The following FRMD5 variants were observed in gnomAD, a reference collection of about 807,000 sequenced individuals.
FRMD5 encodes the protein FERM domain containing 5, also known as FERM domain-containing protein 5.
In FRMD5, 20 loss-of-function variants were observed where a neutral mutation model predicts 69.0. The observed-to-expected ratio is 0.29, with a 90% CI of 0.20 to 0.42. The LOEUF is 0.42. Ranked by LOEUF, FRMD5 falls within the 10% of genes least tolerant of loss-of-function variation. FRMD5 has a pLI of 1.00. For missense variants in FRMD5, 595 were observed against 708.6 expected, an observed-to-expected ratio of 0.84 and a Z score of 1.82; for synonymous variants, 271 against 260.1, an observed-to-expected ratio of 1.04 and a Z score of -0.40.
intron 1 of FRMD5, among the ~76,000 whole-genome samples, chr15:43,935,979 C>T (rs767321364): frequency 6.6e-6 from 1 of 152,178 alleles, no homozygotes; most frequent in Non-Finnish European, 1.5e-5. Flanking sequence ...TTTAGACATA[C>T]CTGAAAAAGT....
At chr15:44,023,533 T>C (rs1891304215) in intron 1 of FRMD5, among the ~76,000 whole-genome samples, 1 of 152,160 alleles carries the variant, frequency 6.6e-6, no homozygotes, top group Non-Finnish European at 1.5e-5. Flanking sequence ...CAAAACCTTT[T>C]CATTTATTTC....
chr15:43,951,974 T>A (rs1265011501), intron 1 of FRMD5, among the ~76,000 whole-genome samples: 2 of 117,654 alleles, frequency 1.7e-5, no homozygotes, highest in African/African-American at 1.1e-4. Flanking sequence ...TGTGTGTGTG[T>A]GTGTGTTGTG....
intron 1 of FRMD5, among the ~76,000 whole-genome samples, chr15:43,948,791 ACTC>A (rs1397335243): frequency 1.3e-5 from 2 of 151,938 alleles, no homozygotes; most frequent in African/African-American, 4.8e-5. Context: ...TCAGAAGAAA[ACTC>A]CTCATCCATT....
intron 1 of FRMD5, chr15:44,194,211 T>C (rs1036587740): frequency 6.6e-6 from 1 of 152,364 alleles, no homozygotes; most frequent in Non-Finnish European, 1.5e-5. Flanking sequence ...CTGAAAGAAA[T>C]GCTGTTGAGC....
chr15:43,971,628 T>TAA (rs753940718), intron 1 of FRMD5, among the ~76,000 whole-genome samples: 6 of 117,784 alleles, frequency 5.1e-5, no homozygotes, highest in Admixed American at 8.7e-5. Flanking sequence ...AGGTTGCATC[T>TAA]AAAAAAAAAA....
intron 1 of FRMD5, among the ~76,000 whole-genome samples, chr15:44,124,220 T>C: frequency 6.6e-6 from 1 of 151,914 alleles, no homozygotes; most frequent in East Asian, 2.0e-4. Context: ...CCCGAACTCC[T>C]GACCTCAGGT....
chr15:44,087,782 CATCA>C (rs1894265643), intron 1 of FRMD5, among the ~76,000 whole-genome samples: 2 of 136,272 alleles, frequency 1.5e-5, no homozygotes, highest in East Asian at 4.1e-4. Context: ...TCATCATCAT[CATCA>C]TCCCAGGCAT....
chr15:43,934,119 CT>C (rs2089720983), intron 1 of FRMD5, among the ~76,000 whole-genome samples: 4 of 152,296 alleles, frequency 2.6e-5, no homozygotes, highest in African/African-American at 9.6e-5. Flanking sequence ...CCTTTCTCTC[CT>C]TTTCCTGAGA....
At chr15:43,888,555 A>G (rs2088718826) in intron 9 of FRMD5, among the ~76,000 whole-genome samples, 1 of 152,208 alleles carries the variant, frequency 6.6e-6, no homozygotes, top group Non-Finnish European at 1.5e-5. Flanking sequence ...ACGAAAGAAA[A>G]AGAGCCTTCC....
At chr15:44,088,396 G>A (rs1407580470) in intron 1 of FRMD5, among the ~76,000 whole-genome samples, 2 of 152,026 alleles carry the variant, frequency 1.3e-5, no homozygotes, top group African/African-American at 4.8e-5. Flanking sequence ...AATATAAACA[G>A]AATCATAAAT....
At chr15:44,068,283 G>C (rs1055858251) in intron 1 of FRMD5, among the ~76,000 whole-genome samples, 2 of 152,076 alleles carry the variant, frequency 1.3e-5, no homozygotes, top group African/African-American at 4.8e-5. Context: ...ACACAAACTT[G>C]CGCACAAATG....
intron 1 of FRMD5, among the ~76,000 whole-genome samples, chr15:44,192,169 T>C (rs2078207949): frequency 6.6e-6 from 1 of 152,050 alleles, no homozygotes; most frequent in African/African-American, 2.4e-5. Context: ...CAACCTTCAT[T>C]GAAAAGATAT....
chr15:43,910,523 G>T (rs567350522), intron 4 of FRMD5, among the ~76,000 whole-genome samples: 1 of 140,382 alleles, frequency 7.1e-6, no homozygotes, highest in Non-Finnish European at 1.5e-5. Flanking sequence ...AGAGTGAGCC[G>T]AGATTGTGCT....
chr15:44,107,202 A>T (rs749802928), intron 1 of FRMD5, among the ~76,000 whole-genome samples: 3 of 152,208 alleles, frequency 2.0e-5, no homozygotes, highest in Non-Finnish European at 4.4e-5. Flanking sequence ...ATATAAAGGA[A>T]GGGAAGGGGG....
intron 1 of FRMD5, among the ~76,000 whole-genome samples, chr15:44,074,226 A>G (rs1389679376): frequency 2.6e-5 from 4 of 152,192 alleles, no homozygotes; most frequent in African/African-American, 9.7e-5. Flanking sequence ...CCCCAAAGTA[A>G]TAATTGGGCC....
At chr15:44,141,497 T>C (rs2077273469) in intron 1 of FRMD5, among the ~76,000 whole-genome samples, 1 of 152,158 alleles carries the variant, frequency 6.6e-6, no homozygotes, top group African/African-American at 2.4e-5. Flanking sequence ...GAGCTAGGAT[T>C]AGCTATGCAT....
intron 1 of FRMD5, among the ~76,000 whole-genome samples, chr15:44,128,051 A>C (rs1369864278): frequency 1.3e-5 from 2 of 152,142 alleles, no homozygotes; most frequent in Non-Finnish European, 2.9e-5. Context: ...GGAAGGTAAA[A>C]TTTCGCCCCC....
chr15:43,961,623 A>G (rs904186466), intron 1 of FRMD5, among the ~76,000 whole-genome samples: 1 of 152,244 alleles, frequency 6.6e-6, no homozygotes, highest in East Asian at 1.9e-4. Context: ...TTAGACCAAT[A>G]ATCTTGATGA....
intron 13 of FRMD5, among the ~76,000 whole-genome samples, chr15:43,876,865 G>T (rs151114353): frequency 2.0e-5 from 3 of 152,294 alleles, no homozygotes; most frequent in African/African-American, 7.2e-5. Context: ...AGTTTGAGAA[G>T]ATCTTGTTGC....
Sources: allele counts gnomAD v4.1 joint callset (sites outside exome capture counted in the v4.1 genomes callset), GRCh38; gene constraint gnomAD v4.1.1; transcripts MANE v1.5; gene names NCBI Gene and HGNC (gene_info 2026-07-23, HGNC 2026-07-21).